The following CDK14 variants were observed in gnomAD, a reference collection of about 807,000 sequenced individuals.
The protein encoded by CDK14 is cyclin-dependent kinase 14.
A neutral mutation model predicts 60.7 loss-of-function variants in CDK14; 34 were observed. The observed-to-expected ratio is 0.56, with a 90% CI of 0.43 to 0.75. The LOEUF is 0.75. Among genes scored for constraint, CDK14 ranks in the 30% least tolerant of loss-of-function variants. The pLI is 0.00. For missense variants in CDK14, 482 were observed against 564.1 expected (o/e 0.85, Z 1.47); for synonymous variants, 197 against 203.7 (o/e 0.97, Z 0.28).
At chr7:90,742,872 C>T (rs934259814) in intron 3 of CDK14, among the ~76,000 whole-genome samples, 3 of 151,430 alleles carry the variant, frequency 2.0e-5, no homozygotes, top group African/African-American at 4.9e-5. Flanking sequence ...ATTCAGTATC[C>T]CCTATCGGAA....
At chr7:90,597,885 A>C (rs1200044097) in intron 1 of CDK14, among the ~76,000 whole-genome samples, 1 of 151,750 alleles carries the variant, frequency 6.6e-6, no homozygotes, top group Non-Finnish European at 1.5e-5. Context: ...TGGTATGCAA[A>C]ATCTTTCCCC....
At chr7:90,792,155 C>T (rs532159922) in intron 5 of CDK14, among the ~76,000 whole-genome samples, 49 of 151,618 alleles carry the variant, frequency 3.2e-4, no homozygotes, top group Admixed American at 2.6e-3. Context: ...TCACCTCGGC[C>T]TCCCAAAGTG....
chr7:91,031,639 G>T (rs967673643), intron 10 of CDK14, among the ~76,000 whole-genome samples: 2 of 152,132 alleles, frequency 1.3e-5, no homozygotes, highest in Middle Eastern at 3.2e-3. Context: ...GTTAAATGAC[G>T]TAGTGAGTTC....
At chr7:90,938,218 A>G (rs1277222974) in intron 8 of CDK14, among the ~76,000 whole-genome samples, 4 of 152,246 alleles carry the variant, frequency 2.6e-5, no homozygotes, top group African/African-American at 4.8e-5. Flanking sequence ...CTAAATGGCA[A>G]TCCTTTCTTA....
intron 4 of CDK14, among the ~76,000 whole-genome samples, chr7:90,761,193 T>G (rs965264536): frequency 5.3e-5 from 8 of 152,238 alleles, no homozygotes; most frequent in African/African-American, 1.9e-4. Context: ...TATTGGCCTC[T>G]CTTAGCCATG....
intron 14 of CDK14, among the ~76,000 whole-genome samples, chr7:91,126,060 G>T (rs1799933885): frequency 6.6e-6 from 1 of 151,996 alleles, no homozygotes; most frequent in South Asian, 2.1e-4. Flanking sequence ...TAATTATATT[G>T]TATCTTTCCT....
intron 5 of CDK14, among the ~76,000 whole-genome samples, chr7:90,859,771 G>A (rs1226664799): frequency 6.6e-6 from 1 of 151,936 alleles, no homozygotes; most frequent in Non-Finnish European, 1.5e-5. Flanking sequence ...GTTCACTCTT[G>A]GTGTTGTAAA....
chr7:91,173,437 A>C (rs747256390), intron 14 of CDK14, among the ~76,000 whole-genome samples: 1 of 151,618 alleles, frequency 6.6e-6, no homozygotes, highest in African/African-American at 2.4e-5. Context: ...CTTAAAAAAA[A>C]AAAGGTGGGG....
intron 2 of CDK14, among the ~76,000 whole-genome samples, chr7:90,624,224 C>G (rs1171600695): frequency 1.3e-5 from 2 of 152,110 alleles, no homozygotes; most frequent in Non-Finnish European, 2.9e-5. Context: ...ACCCTCACCC[C>G]CTTATTCTGC....
chr7:90,755,047 A>G lies in CDK14; in HGVS notation c.464+7272A>G, dbSNP rs1211288827. On this transcript the variant is annotated intron_variant, in intron 4 of 14. Coordinates refer to ENST00000380050, the MANE Select transcript of CDK14 (RefSeq NM_001287135.2). ...AATTAGTTCAGCCACTGTGGAAATCAGTTTGGAGATTTCTCAAAGAACTTA... is the reference window on the plus strand; with the variant it reads ...AATTAGTTCAGCCACTGTGGAAATCGGTTTGGAGATTTCTCAAAGAACTTA... Among the ~76,000 whole-genome samples, 4 of 152,220 alleles carry G rather than the reference A, an allele frequency of 2.6e-5. No individual in the cohort carries two copies. In the East Asian group the frequency reaches 5.8e-4, roughly 22 times the overall value.
At chr7:90,599,244 A>C (rs989337731) in intron 1 of CDK14, among the ~76,000 whole-genome samples, 1 of 152,278 alleles carries the variant, frequency 6.6e-6, no homozygotes, top group African/African-American at 2.4e-5. Flanking sequence ...ATAAAGACTC[A>C]GTAAACGTTC....
intron 7 of CDK14, among the ~76,000 whole-genome samples, chr7:90,900,673 C>A (rs560424212): frequency 1.3e-5 from 2 of 152,210 alleles, no homozygotes; most frequent in South Asian, 4.2e-4. Flanking sequence ...AGACCACTGG[C>A]CCCGGGGAGC....
chr7:91,173,103 A>C (rs1208530830), intron 14 of CDK14, among the ~76,000 whole-genome samples: 1 of 152,156 alleles, frequency 6.6e-6, no homozygotes, highest in Non-Finnish European at 1.5e-5. Context: ...ACTGGGTAGA[A>C]TTGTCTTGAG....
At chr7:90,736,884 C>G (rs982915300) in intron 3 of CDK14, among the ~76,000 whole-genome samples, 1 of 152,128 alleles carries the variant, frequency 6.6e-6, no homozygotes, top group Admixed American at 6.5e-5. Context: ...ATCAAGGAAC[C>G]AAGAATGCCT....
intron 9 of CDK14, among the ~76,000 whole-genome samples, chr7:90,980,055 G>T (rs1042022679): frequency 2.6e-5 from 4 of 151,942 alleles, no homozygotes; most frequent in Admixed American, 2.6e-4. Context: ...TGCTTGTACT[G>T]ACAACAAATT....
At chr7:91,121,016 G>A (rs997919347) in intron 14 of CDK14, among the ~76,000 whole-genome samples, 3 of 152,150 alleles carry the variant, frequency 2.0e-5, no homozygotes, top group African/African-American at 7.2e-5. Context: ...CACCTTTGTG[G>A]AGTTTTTAAA....
At chr7:90,732,121 C>T (rs750653469) in intron 3 of CDK14, among the ~76,000 whole-genome samples, 39 of 151,896 alleles carry the variant, frequency 2.6e-4, no homozygotes, top group Non-Finnish European at 4.7e-4. Flanking sequence ...TCCTTGGTTC[C>T]GTTTATGTGA....
intron 10 of CDK14, among the ~76,000 whole-genome samples, chr7:91,016,046 A>G (rs892732629): frequency 6.6e-6 from 1 of 152,114 alleles, no homozygotes; most frequent in African/African-American, 2.4e-5. Context: ...TAAAGTGAGC[A>G]ATGCCTATAT....
chr7:90,811,785 C>A (rs1789130523), intron 5 of CDK14, among the ~76,000 whole-genome samples: 1 of 152,140 alleles, frequency 6.6e-6, no homozygotes, highest in Non-Finnish European at 1.5e-5. Flanking sequence ...AAACAAACAA[C>A]CCCATCAAAA....
Sources: gnomAD v4.1 joint callset for allele counts (sites outside exome capture counted in the v4.1 genomes callset) on GRCh38, gnomAD v4.1.1 for gene constraint, MANE v1.5 for transcripts, NCBI Gene and HGNC (gene_info 2026-07-23, HGNC 2026-07-21) for gene names.